Variants in ACAP2 observed in about 807,000 individuals in gnomAD.
ACAP2 encodes the protein arf-GAP with coiled-coil, ANK repeat and PH domain-containing protein 2.
ACAP2 carries 39 observed loss-of-function variants against 115.8 expected under a neutral mutation model. The observed-to-expected ratio is 0.34, with a 90% CI of 0.26 to 0.44. The LOEUF (loss-of-function observed/expected upper bound fraction) is 0.44. ACAP2 is among the 20% of genes least tolerant of loss of function. The pLI, the probability that ACAP2 is intolerant of heterozygous loss-of-function variation, is 1.00. For missense variants in ACAP2, 662 were observed against 927.6 expected (o/e 0.71, Z 3.72); for synonymous variants, 289 against 315.8 (o/e 0.92, Z 0.90).
At chr3:195,381,862 T>C (rs745576417) in intron 3 of ACAP2, 41 bp downstream of exon 3, 34 of 1,287,266 alleles carry the variant, frequency 2.6e-5, no homozygotes, top group Non-Finnish European at 3.3e-5. Flanking sequence ...GTCTTATTGC[T>C]TTTTTTTTTC....
At chr3:195,354,273 CT>C (rs1252831876) in intron 4 of ACAP2, among the ~76,000 whole-genome samples, 9 of 152,170 alleles carry the variant, frequency 5.9e-5, no homozygotes, top group Non-Finnish European at 1.2e-4. Context: ...GATTCCACGT[CT>C]TTGCTGTTGT....
chr3:195,348,954 T>C (rs1464564387), intron 4 of ACAP2, among the ~76,000 whole-genome samples: 1 of 152,154 alleles, frequency 6.6e-6, no homozygotes, highest in Non-Finnish European at 1.5e-5. Context: ...CTAGAAATTC[T>C]AGCAATGCAA....
intron 2 of ACAP2, among the ~76,000 whole-genome samples, chr3:195,390,930 C>T (rs574779659): frequency 1.3e-5 from 2 of 152,226 alleles, no homozygotes; most frequent in African/African-American, 2.4e-5. Flanking sequence ...ACTGCTTCTG[C>T]CTACTATATA....
intron 1 of ACAP2, among the ~76,000 whole-genome samples, chr3:195,413,120 G>C (rs1214273791): frequency 2.6e-5 from 4 of 152,096 alleles, no homozygotes; most frequent in Non-Finnish European, 4.4e-5. Flanking sequence ...AGACCTTAAG[G>C]CATTTAAACT....
At chr3:195,314,149 C>T (rs1382426423) in intron 10 of ACAP2, among the ~76,000 whole-genome samples, 2 of 150,242 alleles carry the variant, frequency 1.3e-5, no homozygotes, top group Admixed American at 6.6e-5. Flanking sequence ...TTAAAACTAT[C>T]TGGAAATTCC....
intron 7 of ACAP2, among the ~76,000 whole-genome samples, chr3:195,335,279 A>C (rs1730428945): frequency 6.6e-6 from 1 of 152,172 alleles, no homozygotes; most frequent in African/African-American, 2.4e-5. Flanking sequence ...TTTTACAAAA[A>C]ACATGTGCCA....
chr3:195,295,116 G>A (rs1577250003), intron 17 of ACAP2: 2 of 721,592 alleles, frequency 2.8e-6, no homozygotes, highest in East Asian at 6.4e-5. Flanking sequence ...CTGAGACAAT[G>A]GGTAACATCT....
At chr3:195,281,116 A>C (rs1358816092) in intron 22 of ACAP2, among the ~76,000 whole-genome samples, 1 of 152,198 alleles carries the variant, frequency 6.6e-6, no homozygotes, top group Non-Finnish European at 1.5e-5. Context: ...AAAAATGTTA[A>C]TACTTTTGGC....
At chr3:195,280,631 T>C (rs1428423066) in intron 22 of ACAP2, 1 of 152,210 alleles carries the variant, frequency 6.6e-6, no homozygotes, top group Non-Finnish European at 1.5e-5. Flanking sequence ...AACGTGTATA[T>C]GTACAAATAT....
In ACAP2 at chr3:195,292,293, G is replaced by A. The variant is rs546719175; in HGVS notation, c.1925C>T (p.Ala642Val). The A allele has an allele frequency of 2.5e-4, 401 of 1,599,334 alleles. 3 individuals carry two copies. The South Asian group carries it at 4.3e-3, about 17-fold the overall frequency. The change falls in exon 19 of 23, where the codon GCG (alanine) becomes GTG (valine). Residue 642 changes from alanine (A) to valine (V), a missense_variant. Ala to Val is a moderately conservative substitution (Grantham distance 64). This residue lies in a region of ACAP2 where 128 missense variants were observed against 200.2 expected (regional missense o/e 0.64). Transcript: ENST00000326793. Reference sequence around the variant, plus strand: ...TAATACAGCCTGAATAAGTGGTGTCGCTTTGTTTTCCTCTGAATTGGCCCA... The same window carrying A: ...TAATACAGCCTGAATAAGTGGTGTCACTTTGTTTTCCTCTGAATTGGCCCA... Reference protein sequence around the residue: ...VNWANSEENKATPLIQAVLGG... With the variant: ...VNWANSEENKVTPLIQAVLGG...
intron 20 of ACAP2, among the ~76,000 whole-genome samples, chr3:195,290,853 A>AAATG (rs1427876827): frequency 1.6e-5 from 2 of 127,568 alleles, no homozygotes; most frequent in Non-Finnish European, 3.3e-5. Context: ...AATAAATAAT[A>AAATG]AATAAATAAA....
intron 6 of ACAP2, among the ~76,000 whole-genome samples, chr3:195,339,456 T>A (rs965046152): frequency 1.3e-5 from 2 of 150,388 alleles, no homozygotes; most frequent in Admixed American, 6.6e-5. Context: ...TTAAATGTTA[T>A]ATATAAAAAT....
intron 15 of ACAP2, among the ~76,000 whole-genome samples, chr3:195,297,706 G>C (rs1366011457): frequency 6.6e-6 from 1 of 152,126 alleles, no homozygotes; most frequent in Non-Finnish European, 1.5e-5. Flanking sequence ...ATTCTTTTCA[G>C]TTTTCACATC....
intron 1 of ACAP2, chr3:195,411,154 T>C (rs1277618589): frequency 1.1e-5 from 2 of 185,742 alleles, no homozygotes; most frequent in African/African-American, 4.8e-5. Flanking sequence ...GGACGTGGAG[T>C]CACTGGATCC....
At chr3:195,294,954 G>T (rs1043030115) in intron 17 of ACAP2, 143 bp from the exon 18 acceptor site, 1 of 543,272 alleles carries the variant, frequency 1.8e-6, no homozygotes, top group African/African-American at 1.9e-5. Flanking sequence ...ATAATTTTAA[G>T]CCTTTTGAAC....
chr3:195,286,237 A>G (rs556935835), intron 21 of ACAP2, among the ~76,000 whole-genome samples: 112 of 152,336 alleles, frequency 7.4e-4, no homozygotes, highest in African/African-American at 2.6e-3. Flanking sequence ...AGAACCTGTC[A>G]TAAGTTCACT....
At chr3:195,355,637 C>T (rs1412046300) in intron 4 of ACAP2, among the ~76,000 whole-genome samples, 1 of 152,202 alleles carries the variant, frequency 6.6e-6, no homozygotes, top group African/African-American at 2.4e-5. Flanking sequence ...CAACAGCTCA[C>T]ACTAAAGTTA....
chr3:195,302,255 A>G (rs1728112788), intron 13 of ACAP2, 81 bp from the exon 14 acceptor site: 1 of 1,276,536 alleles, frequency 7.8e-7, no homozygotes, highest in Non-Finnish European at 1.1e-6. Context: ...TCCAAACTAA[A>G]GCTTCCAATC....
intron 4 of ACAP2, among the ~76,000 whole-genome samples, chr3:195,379,230 T>G (rs1467594549): frequency 6.6e-6 from 1 of 152,142 alleles, no homozygotes; most frequent in Non-Finnish European, 1.5e-5. Flanking sequence ...TAAATCTTTA[T>G]AACCTTGAAT....
Sources: gnomAD v4.1 joint callset for allele counts (sites outside exome capture counted in the v4.1 genomes callset) on GRCh38, gnomAD v4.1.1 for gene constraint, gnomAD v4.1.1 regional missense constraint, MANE v1.5 for transcripts, NCBI Gene and HGNC (gene_info 2026-07-23, HGNC 2026-07-21) for gene names.